The following CDH13 variants were observed in gnomAD, a reference collection of about 807,000 sequenced individuals.
CDH13 encodes the protein cadherin-13.
In CDH13, 24 loss-of-function variants were observed where a neutral mutation model predicts 63.8. The observed-to-expected ratio is 0.38, with a 90% CI of 0.27 to 0.53. The LOEUF is 0.53. Ranked by LOEUF, CDH13 falls within the 20% of genes least tolerant of loss-of-function variation. The pLI is 0.85. For missense variants in CDH13, 1,049 were observed against 903.1 expected, an observed-to-expected ratio of 1.16 and a Z score of -2.07; for synonymous variants, 503 against 355.3, an observed-to-expected ratio of 1.42 and a Z score of -4.67.
intron 2 of CDH13, among the ~76,000 whole-genome samples, chr16:82,928,992 G>C (rs1469230211): frequency 1.3e-5 from 2 of 152,062 alleles, no homozygotes; most frequent in African/African-American, 2.4e-5. Flanking sequence ...TTCAATTTTT[G>C]CCTGGCACTT....
At chr16:83,102,904 A>C (rs1471160544) in intron 3 of CDH13, among the ~76,000 whole-genome samples, 2 of 129,182 alleles carry the variant, frequency 1.5e-5, no homozygotes, top group African/African-American at 6.9e-5. Flanking sequence ...TTTGCTAATT[A>C]AACTTTCTTT....
At chr16:82,780,717 T>A (rs189513913) in intron 1 of CDH13, among the ~76,000 whole-genome samples, 35 of 152,386 alleles carry the variant, frequency 2.3e-4, no homozygotes, top group African/African-American at 7.5e-4. Context: ...GCTACTTTTT[T>A]AAATAAAACA....
At chr16:83,752,400 T>G (rs1229873469) in intron 11 of CDH13, among the ~76,000 whole-genome samples, 1 of 152,214 alleles carries the variant, frequency 6.6e-6, no homozygotes, top group Non-Finnish European at 1.5e-5. Context: ...ATTTGCAGAT[T>G]AAGAAACAGA....
chr16:82,923,523 C>G lies in CDH13; in HGVS notation c.157+65050C>G, dbSNP rs568102060. 4.6e-5 allele frequency among the ~76,000 whole-genome samples: 7 copies of G among 152,294 alleles called. No homozygotes were observed. In the South Asian group the frequency reaches 1.0e-3, roughly 23 times the overall value. On this transcript the variant is annotated intron_variant, in intron 2 of 13. Transcript: ENST00000567109. ...CTCTTAGGGAGGTCACAGAGTCCTA[C>G]TTTTGTACTCTGAGGCTATGGAATC...
At chr16:83,323,888 C>G (rs2090296924) in intron 5 of CDH13, among the ~76,000 whole-genome samples, 1 of 152,182 alleles carries the variant, frequency 6.6e-6, no homozygotes, top group Non-Finnish European at 1.5e-5. Flanking sequence ...TCACCATCCT[C>G]CCTTACCTCT....
At chr16:82,677,763 C>G (rs929732308) in intron 1 of CDH13, among the ~76,000 whole-genome samples, 3 of 152,162 alleles carry the variant, frequency 2.0e-5, no homozygotes, top group Non-Finnish European at 2.9e-5. Flanking sequence ...GTTTTCAGTT[C>G]TACAATCTAC....
chr16:83,008,870 C>T (rs779416646), intron 2 of CDH13, among the ~76,000 whole-genome samples: 7 of 152,188 alleles, frequency 4.6e-5, no homozygotes, highest in African/African-American at 7.2e-5. Context: ...ACTCACAGTT[C>T]AGCATGGCTG....
At chr16:83,534,849 G>C (rs1239971643) in intron 7 of CDH13, among the ~76,000 whole-genome samples, 1 of 152,142 alleles carries the variant, frequency 6.6e-6, no homozygotes, top group African/African-American at 2.4e-5. Flanking sequence ...CCAAAATTGG[G>C]TCATCAAAGC....
chr16:83,320,344 C>A (rs969617522), intron 5 of CDH13, among the ~76,000 whole-genome samples: 1 of 152,106 alleles, frequency 6.6e-6, no homozygotes, highest in Non-Finnish European at 1.5e-5. Flanking sequence ...CAATGCCCAG[C>A]ATGGATTGTC....
intron 1 of CDH13, among the ~76,000 whole-genome samples, chr16:82,643,670 C>T (rs763813230): frequency 9.9e-5 from 15 of 152,216 alleles, no homozygotes; most frequent in Non-Finnish European, 1.9e-4. Context: ...GGTTATTATT[C>T]TCATAGTAGC....
At chr16:83,540,684 A>C (rs2075282212) in intron 7 of CDH13, among the ~76,000 whole-genome samples, 1 of 152,244 alleles carries the variant, frequency 6.6e-6, no homozygotes, top group Non-Finnish European at 1.5e-5. Flanking sequence ...AACTGTTGTC[A>C]TGATGGTCTC....
intron 6 of CDH13, among the ~76,000 whole-genome samples, chr16:83,474,946 A>G (rs1043204554): frequency 6.6e-6 from 1 of 152,226 alleles, no homozygotes; most frequent in Non-Finnish European, 1.5e-5. Context: ...AAAGGAAGGC[A>G]TGTGCATTGT....
At chr16:82,918,776 T>C (rs1039007475) in intron 2 of CDH13, among the ~76,000 whole-genome samples, 1 of 152,064 alleles carries the variant, frequency 6.6e-6, no homozygotes, top group Non-Finnish European at 1.5e-5. Context: ...CCCGACAAAA[T>C]GCTGCTATTA....
chr16:82,660,467 CCA>C (rs1179353071), intron 1 of CDH13, among the ~76,000 whole-genome samples: 2 of 152,176 alleles, frequency 1.3e-5, no homozygotes, highest in Non-Finnish European at 2.9e-5. Context: ...AGAGGGAGCA[CCA>C]GTTGGTGAAC....
At chr16:83,233,188 T>C (rs1323752277) in intron 5 of CDH13, among the ~76,000 whole-genome samples, 1 of 152,198 alleles carries the variant, frequency 6.6e-6, no homozygotes, top group Non-Finnish European at 1.5e-5. Context: ...CAAAATTGCT[T>C]TTCTTTCCCA....
chr16:83,579,380 C>A (rs141397723), intron 7 of CDH13, among the ~76,000 whole-genome samples: 3 of 151,992 alleles, frequency 2.0e-5, no homozygotes, highest in African/African-American at 4.8e-5. Flanking sequence ...ACAGGCTGTA[C>A]GGGAAGCATG....
intron 3 of CDH13, among the ~76,000 whole-genome samples, chr16:83,035,013 G>A (rs189262740): frequency 2.8e-4 from 42 of 151,994 alleles, no homozygotes; most frequent in African/African-American, 7.7e-4. Context: ...CATCTCCCAC[G>A]TCCAGTAATT....
intron 2 of CDH13, among the ~76,000 whole-genome samples, chr16:82,963,231 T>A (rs1313898985): frequency 2.2e-5 from 3 of 138,212 alleles, no homozygotes; most frequent in Admixed American, 7.0e-5. Context: ...AAAAAAAAAA[T>A]TGCCAGGTGT....
chr16:83,487,085 C>A (rs1366434949), intron 7 of CDH13, among the ~76,000 whole-genome samples: 1 of 152,098 alleles, frequency 6.6e-6, no homozygotes, highest in East Asian at 1.9e-4. Context: ...TTTCTCCAAC[C>A]CTTTGCTGCA....
Sources: allele counts gnomAD v4.1 joint callset (sites outside exome capture counted in the v4.1 genomes callset), GRCh38; gene constraint gnomAD v4.1.1; transcripts MANE v1.5; gene names NCBI Gene and HGNC (gene_info 2026-07-23, HGNC 2026-07-21).